Variants in SLC1A3 observed in about 807,000 individuals in gnomAD.
The protein encoded by SLC1A3 is excitatory amino acid transporter 1.
Under a neutral mutation model 48.1 loss-of-function variants are expected in SLC1A3, and 21 were observed. The observed-to-expected ratio is 0.44, with a 90% CI of 0.31 to 0.63. The LOEUF is 0.63. Among genes scored for constraint, SLC1A3 ranks in the 20% least tolerant of loss-of-function variants. The pLI is 0.08. For missense variants in SLC1A3, 546 were observed against 689.0 expected, an observed-to-expected ratio of 0.79 and a Z score of 2.32; for synonymous variants, 239 against 251.4, an observed-to-expected ratio of 0.95 and a Z score of 0.47.
intron 2 of SLC1A3, among the ~76,000 whole-genome samples, chr5:36,619,121 C>T (rs1739564958): frequency 6.6e-6 from 1 of 152,184 alleles, no homozygotes; most frequent in South Asian, 2.1e-4. Flanking sequence ...GTATTTCCCA[C>T]CTTCAACAGG....
chr5:36,627,166 C>A (rs944892063), intron 2 of SLC1A3, among the ~76,000 whole-genome samples: 6 of 152,236 alleles, frequency 3.9e-5, no homozygotes, highest in African/African-American at 1.4e-4. Flanking sequence ...TACACACACA[C>A]ACACGTACGT....
intron 2 of SLC1A3, among the ~76,000 whole-genome samples, chr5:36,623,007 A>C (rs1483116668): frequency 7.0e-6 from 1 of 142,716 alleles, no homozygotes; most frequent in African/African-American, 2.7e-5. Context: ...GGGAGACTCC[A>C]TCATCTCAAA....
intron 3 of SLC1A3, among the ~76,000 whole-genome samples, chr5:36,631,441 A>G (rs893003574): frequency 6.6e-6 from 1 of 152,222 alleles, no homozygotes; most frequent in African/African-American, 2.4e-5. Context: ...AAATACTATG[A>G]TGCAATCCCT....
At chr5:36,633,180 G>A (rs1054609607) in intron 3 of SLC1A3, among the ~76,000 whole-genome samples, 3 of 152,188 alleles carry the variant, frequency 2.0e-5, no homozygotes, top group African/African-American at 7.2e-5. Flanking sequence ...TGGTTGTGCA[G>A]GGTAGACATA....
chr5:36,649,133 T>G (rs1221619365), intron 3 of SLC1A3, among the ~76,000 whole-genome samples: 2 of 151,932 alleles, frequency 1.3e-5, no homozygotes, highest in African/African-American at 4.8e-5. Flanking sequence ...CACCTGAGAT[T>G]GGGAGTTCGA....
At chr5:36,625,161 T>G (rs1739852160) in intron 2 of SLC1A3, among the ~76,000 whole-genome samples, 1 of 152,202 alleles carries the variant, frequency 6.6e-6, no homozygotes, top group South Asian at 2.1e-4. Context: ...TTATTAATAT[T>G]TAAAATAGAC....
rs190893359 is a variant in SLC1A3 at position 36,609,082 on chromosome 5, G to A, written c.181+478G>A. Reference sequence around the variant, plus strand: ...GTATCAACGCTTAGGCACAGAGACCGAATATTTTATGTGTTTGCACTCTCT... The same window carrying A: ...GTATCAACGCTTAGGCACAGAGACCAAATATTTTATGTGTTTGCACTCTCT... On this transcript the variant is annotated intron_variant, in intron 2 of 9. Coordinates refer to ENST00000265113, the MANE Select transcript of SLC1A3 (RefSeq NM_004172.5). 2.3e-4 allele frequency: 231 copies of A among 988,050 alleles called. 3 individuals are homozygous for A. In the East Asian group the frequency reaches 0.011, roughly 47 times the overall value. The allele number at this position is 988,050 out of a possible 1,614,324, so 61.2% of individuals were successfully genotyped here.
intron 4 of SLC1A3, among the ~76,000 whole-genome samples, chr5:36,672,146 A>G (rs1742022778): frequency 6.6e-6 from 1 of 152,200 alleles, no homozygotes; most frequent in African/African-American, 2.4e-5. Flanking sequence ...TAGCCTTGGG[A>G]GGGAAGGGCC....
chr5:36,664,185 G>C (rs943604417), intron 3 of SLC1A3, among the ~76,000 whole-genome samples: 1 of 152,200 alleles, frequency 6.6e-6, no homozygotes, highest in African/African-American at 2.4e-5. Context: ...CCAGGCTGGA[G>C]TGCAATGGCA....
chr5:36,638,006 T>G (rs981291298), intron 3 of SLC1A3, among the ~76,000 whole-genome samples: 3 of 152,090 alleles, frequency 2.0e-5, no homozygotes, highest in African/African-American at 7.2e-5. Flanking sequence ...TTTTCTAGAA[T>G]TGTTGTTTTC....
At chr5:36,635,883 C>A (rs932190341) in intron 3 of SLC1A3, 4 of 152,142 alleles carry the variant, frequency 2.6e-5, no homozygotes, top group African/African-American at 7.2e-5. Context: ...ACGTATTGGG[C>A]CTGCTTCATT....
chr5:36,647,803 CTG>C (rs1321377874), intron 3 of SLC1A3, among the ~76,000 whole-genome samples: 3 of 152,192 alleles, frequency 2.0e-5, no homozygotes, highest in Non-Finnish European at 2.9e-5. Flanking sequence ...CCATTGAAAA[CTG>C]TTTTTGAGAA....
intron 2 of SLC1A3, among the ~76,000 whole-genome samples, chr5:36,621,938 A>G (rs1244095213): frequency 6.6e-6 from 1 of 152,190 alleles, no homozygotes; most frequent in Non-Finnish European, 1.5e-5. Flanking sequence ...AAATTCTTGT[A>G]ACCTTGAGAC....
chr5:36,636,351 G>A (rs1006800545), intron 3 of SLC1A3: 3 of 152,150 alleles, frequency 2.0e-5, no homozygotes, highest in African/African-American at 7.2e-5. Context: ...ACTTAGGGAA[G>A]GAACGATGCA....
At chr5:36,618,315 C>T (rs931240470) in intron 2 of SLC1A3, among the ~76,000 whole-genome samples, 4 of 152,166 alleles carry the variant, frequency 2.6e-5, no homozygotes, top group Non-Finnish European at 5.9e-5. Context: ...TTTATCCCTC[C>T]CTCTAAGCCT....
intron 2 of SLC1A3, among the ~76,000 whole-genome samples, chr5:36,628,741 A>G (rs1740010175): frequency 6.6e-6 from 1 of 152,232 alleles, no homozygotes; most frequent in East Asian, 1.9e-4. Flanking sequence ...TTTCAGTTGT[A>G]GAGGGAAAAT....
intron 8 of SLC1A3, 73 bp from the exon 9 acceptor site, chr5:36,683,789 CGT>C (rs1419003125): frequency 1.3e-6 from 2 of 1,513,294 alleles, no homozygotes; most frequent in Non-Finnish European, 1.8e-6. Flanking sequence ...CGGCACCGTG[CGT>C]ATTTTGCAGC....
chr5:36,649,906 C>G (rs906654939), intron 3 of SLC1A3, among the ~76,000 whole-genome samples: 1 of 152,192 alleles, frequency 6.6e-6, no homozygotes, highest in African/African-American at 2.4e-5. Flanking sequence ...GTGAGATGGG[C>G]CTTCCCCATT....
chr5:36,640,908 AAGGAAACATAAGAC>A (rs1327398709), intron 3 of SLC1A3, among the ~76,000 whole-genome samples: 2 of 152,130 alleles, frequency 1.3e-5, no homozygotes, highest in African/African-American at 4.8e-5. Flanking sequence ...TTTGAAAGCA[AAGGAAACATAAGAC>A]AGGTGTACTA....
Sources: allele counts gnomAD v4.1 joint callset (sites outside exome capture counted in the v4.1 genomes callset), GRCh38; gene constraint gnomAD v4.1.1; transcripts MANE v1.5; gene names NCBI Gene and HGNC (gene_info 2026-07-23, HGNC 2026-07-21).